The following DISP3 variants were observed in gnomAD, a reference collection of about 807,000 sequenced individuals.
The protein encoded by DISP3 is dispatched RND transporter family member 3, also known as protein dispatched homolog 3.
DISP3 carries 101 observed loss-of-function variants against 135.3 expected under a neutral mutation model. That is an observed-to-expected ratio of 0.75 (90% confidence interval 0.64 to 0.88). The LOEUF (loss-of-function observed/expected upper bound fraction) is 0.88. DISP3 is among the 40% of genes least tolerant of loss of function. DISP3 has a pLI of 0.00. For synonymous variants in DISP3, 856 were observed against 817.0 expected, an observed-to-expected ratio of 1.05 and a Z score of -0.81; for missense variants, 1,713 against 1,878.6, an observed-to-expected ratio of 0.91 and a Z score of 1.63.
chr1:11,519,084 G>T lies in DISP3; in HGVS notation c.1890-271G>T, dbSNP rs781403495. Among the ~76,000 whole-genome samples the T allele has an allele frequency of 1.3e-5, 2 of 152,106 alleles. No individual in the cohort carries two copies. The highest frequency in any genetic ancestry group is 2.4e-5 in the African/African-American group (1 of 41,410). ...CCCTGATTTGATCACCTTAGTGCCC[G>T]GGCCACTGTGTGTTGTCATCCCCTC... On this transcript the variant is annotated intron_variant, in intron 7 of 20. Coordinates refer to ENST00000294484, the MANE Select transcript of DISP3 (RefSeq NM_020780.2). The surrounding 1 kb of genome is among the most constrained non-coding windows in gnomAD (Gnocchi z 4.3).
rs1289654748 is a variant in DISP3 at position 11,479,351 on chromosome 1, T to C, written c.-25T>C. On this transcript the variant is annotated 5_prime_UTR_variant, in exon 1 of 21. Coordinates refer to ENST00000294484, the MANE Select transcript of DISP3 (RefSeq NM_020780.2). ...TCTCTCCCGCGCCGGCGGCTCAGCC[T>C]AGCCCCGTTCGGCCGGCCGAGGTGA... is the stretch of plus-strand genomic sequence containing the variant. 3 of 153,628 alleles carry C rather than the reference T, an allele frequency of 2.0e-5. No individual in the cohort carries two copies. The highest frequency in any genetic ancestry group is 4.4e-5 in the Non-Finnish European group (3 of 68,102). 9.5% of individuals were successfully genotyped at this position (153,628 alleles called of 1,614,324 possible).
intron 15 of DISP3, 104 bp from the exon 16 acceptor site, chr1:11,530,800 TAGC>T: frequency 6.9e-7 from 1 of 1,439,848 alleles, no homozygotes; most frequent in Non-Finnish European, 9.6e-7. Flanking sequence ...GGGTGACAGG[TAGC>T]AGGAAGCTGC....
chr1:11,531,330 G>A lies in DISP3; in HGVS notation c.3230-235G>A, dbSNP rs1035092403. Reference sequence around the variant, plus strand: ...TCCAAAATTAGGGGGCGGGGCCAGGGGCTGGCCCCACAGCCAATGTGGATG... The same window carrying A: ...TCCAAAATTAGGGGGCGGGGCCAGGAGCTGGCCCCACAGCCAATGTGGATG... On this transcript the variant is annotated intron_variant, in intron 16 of 20. Transcript: ENST00000294484. This position sits in a 1 kb window ranked among gnomAD's most constrained non-coding sequence, Gnocchi z 5.2. Among the ~76,000 whole-genome samples the A allele has an allele frequency of 3.8e-4, 58 of 152,114 alleles. No homozygotes were observed. The highest frequency in any genetic ancestry group is 1.3e-3 in the African/African-American group (55 of 41,416).
intron 1 of DISP3, among the ~76,000 whole-genome samples, chr1:11,493,723 C>CAA (rs573040513): frequency 1.6e-4 from 23 of 143,802 alleles, no homozygotes; most frequent in African/African-American, 4.1e-4. Context: ...GACTCCATCT[C>CAA]AAAAAAAAAA....
Position 11,520,711 on chromosome 1 carries a change from T to A in DISP3, c.2225T>A (p.Leu742Ter). 1 of 1,613,302 alleles carries A rather than the reference T, an allele frequency of 6.2e-7. No homozygotes were observed. Among genetic ancestry groups the A allele is most frequent in the Non-Finnish European group, 8.5e-7 (1 of 1,179,950 alleles). ...IVGLFVSILILSLVFASRLRP... is the reference protein window; with the variant it reads ...IVGLFVSILI ...GGGCTGTTCGTCTCCATCCTCATCT[T>A]GTCCCTGGTGTTCGCCAGCCGGCTC... Residue 742 changes from leucine to a stop codon, truncating the protein, a stop_gained, in exon 10 of 21, where the codon TTG becomes TAG. Coordinates refer to ENST00000294484, the MANE Select transcript of DISP3 (RefSeq NM_020780.2). LOFTEE classifies it high-confidence loss of function. This position sits in a 1 kb window ranked among gnomAD's most constrained non-coding sequence, Gnocchi z 4.8.
intron 1 of DISP3, among the ~76,000 whole-genome samples, chr1:11,498,087 A>C (rs1481306201): frequency 6.6e-6 from 1 of 152,238 alleles, no homozygotes; most frequent in African/African-American, 2.4e-5. Context: ...AATCCAGCAA[A>C]TGCTGTCTGC....
chr1:11,503,871 C>T (rs1180143722), intron 3 of DISP3, among the ~76,000 whole-genome samples: 1 of 152,178 alleles, frequency 6.6e-6, no homozygotes, highest in Non-Finnish European at 1.5e-5. Flanking sequence ...TCTGGCTGCC[C>T]TCTGGAGTCA....
In DISP3 at chr1:11,522,926, A is replaced by ACCCAGCCAGGACCCAGCTAGAG. The variant is rs1642284788; in HGVS notation, c.2363-999_2363-998insTAGAGCCCAGCCAGGACCCAGC. ...AGAGCCCAGCCAGGACCCAGCAAGG[A>ACCCAGCCAGGACCCAGCTAGAG]CCCAGCCAGGACCCAGCCAGAGCCC... On this transcript the variant is annotated intron_variant, in intron 10 of 20. Transcript: ENST00000294484. Among the ~76,000 whole-genome samples the ACCCAGCCAGGACCCAGCTAGAG allele has an allele frequency of 2.0e-4, 3 of 15,334 alleles. 1 individual carries two copies. The highest frequency in any genetic ancestry group is 2.7e-4 in the African/African-American group (1 of 3,684). 10.1% of individuals were successfully genotyped at this position (15,334 alleles called of 152,430 possible).
At position 11,516,700 on chromosome 1, in the gene DISP3, G is replaced by A. The variant is rs1206076545; in HGVS notation, c.1749+539G>A. On this transcript the variant is annotated intron_variant, in intron 6 of 20. Coordinates refer to ENST00000294484, the MANE Select transcript of DISP3 (RefSeq NM_020780.2). The surrounding 1 kb of genome is among the most constrained non-coding windows in gnomAD (Gnocchi z 5.1). ...GAGCCCAGGCTGGGTCCTTGGTACA[G>A]AAAGACAGTGAATTGGCCCAAGTCT... Among the ~76,000 whole-genome samples, 1 of 152,316 alleles carries A rather than the reference G, an allele frequency of 6.6e-6. No homozygotes were observed. Among genetic ancestry groups the A allele is most frequent in the Admixed American group, 6.5e-5 (1 of 15,302 alleles).
intron 3 of DISP3, among the ~76,000 whole-genome samples, chr1:11,513,924 A>C (rs138941066): frequency 1.3e-5 from 2 of 149,660 alleles, no homozygotes; most frequent in East Asian, 3.9e-4. Context: ...GTATTTTAAG[A>C]CACAGTTTGA....
chr1:11,523,943 T>G lies in DISP3; in HGVS notation c.2364T>G (p.Gly788=). Residue 788 remains glycine, a splice_region_variant and synonymous_variant, in exon 11 of 21, where the codon GGT becomes GGG. Coordinates refer to ENST00000294484, the MANE Select transcript of DISP3 (RefSeq NM_020780.2). ...CCTTGACATGGCGCTGGGGGGCAGG[T>G]CTGTTCCAGGAGAAGCCCCACAGCC... The part of the protein sequence containing the change: ...AEGISCITCS[G]LFQEKPHSLQ... 1.2e-6 allele frequency: 2 copies of G among 1,611,634 alleles called. No individual in the cohort carries two copies. Among genetic ancestry groups the G allele is most frequent in the Non-Finnish European group, 1.7e-6 (2 of 1,178,806 alleles).
intron 13 of DISP3, among the ~76,000 whole-genome samples, chr1:11,528,485 T>C (rs2100506642): frequency 6.6e-6 from 1 of 152,336 alleles, no homozygotes; most frequent in Non-Finnish European, 1.5e-5. Flanking sequence ...GCTAGGGATA[T>C]GGTAGTGACA....
Position 11,536,237 on chromosome 1 carries a change from C to A in DISP3, c.3817-87C>A. The A allele has an allele frequency of 6.7e-7, 1 of 1,491,384 alleles. No individual in the cohort carries two copies. The highest frequency in any genetic ancestry group is 8.9e-7 in the Non-Finnish European group (1 of 1,125,334). 92.4% of individuals were successfully genotyped at this position (1,491,384 alleles called of 1,614,324 possible). Reference sequence around the variant, plus strand: ...TCCCAGTAACAGAGCAGGAACCTGGCGTGGGGTGGGGGTGCGTGATTCCCC... The same window carrying A: ...TCCCAGTAACAGAGCAGGAACCTGGAGTGGGGTGGGGGTGCGTGATTCCCC... On this transcript the variant is annotated intron_variant, in intron 20 of 20. Transcript: ENST00000294484. The surrounding 1 kb of genome is among the most constrained non-coding windows in gnomAD (Gnocchi z 4.3).
rs547201674 is a variant in DISP3 at position 11,505,386 on chromosome 1, G to A, written c.1316+2489G>A. Among the ~76,000 whole-genome samples the A allele has an allele frequency of 3.9e-5, 6 of 152,302 alleles. No homozygotes were observed. In the South Asian group the frequency reaches 8.3e-4, roughly 21 times the overall value. On this transcript the variant is annotated intron_variant, in intron 3 of 20. Transcript: ENST00000294484. Reference sequence around the variant, plus strand: ...TCAAGGAAAGGTACTTGGCTGGGTTGGGAAACTGAGAGGTGATGACTATAG... The same window carrying A: ...TCAAGGAAAGGTACTTGGCTGGGTTAGGAAACTGAGAGGTGATGACTATAG...
chr1:11,528,516 C>T lies in DISP3; in HGVS notation c.2799-1040C>T, dbSNP rs138598745. ...TGACAAAGACAGATGTGACTCCTGC[C>T]CTCGAGCTGTCTAGTGGGAGACAGG... On this transcript the variant is annotated intron_variant, in intron 13 of 20. Transcript: ENST00000294484. 1.1e-4 allele frequency among the ~76,000 whole-genome samples: 16 copies of T among 152,344 alleles called. No homozygotes were observed. The East Asian group carries it at 3.1e-3, about 29-fold the overall frequency.
intron 10 of DISP3, among the ~76,000 whole-genome samples, chr1:11,522,314 C>T (rs1642219566): frequency 6.6e-6 from 1 of 152,124 alleles, no homozygotes; most frequent in African/African-American, 2.4e-5. Flanking sequence ...ACCTGGCCTT[C>T]CCCTTGGTAA....
intron 13 of DISP3, among the ~76,000 whole-genome samples, chr1:11,528,575 CTA>C (rs1642491189): frequency 6.6e-6 from 1 of 152,258 alleles, no homozygotes; most frequent in African/African-American, 2.4e-5. Flanking sequence ...TCATTACAAA[CTA>C]TGATACGTGC....
rs1300485576 is a variant in DISP3 at position 11,519,393 on chromosome 1, TC to T, written c.1932del (p.Gly645GlufsTer87). On this transcript the variant is annotated frameshift_variant, in exon 8 of 21. Coordinates refer to ENST00000294484, the MANE Select transcript of DISP3 (RefSeq NM_020780.2). LOFTEE classifies it high-confidence loss of function. The surrounding 1 kb of genome is among the most constrained non-coding windows in gnomAD (Gnocchi z 4.3). ...QNCSRKTSLH[F>X]PGDVFAAPEQ... Reference sequence around the variant, plus strand: ...TGCAGCCGGAAGACCTCCCTGCACTTCCCCGGAGACGTGTTTGCCGCTCCCG... The same window carrying T: ...TGCAGCCGGAAGACCTCCCTGCACTTCCCGGAGACGTGTTTGCCGCTCCCG... 2.5e-6 allele frequency: 4 copies of T among 1,613,614 alleles called. No homozygotes were observed. Among genetic ancestry groups the T allele is most frequent in the Non-Finnish European group, 3.4e-6 (4 of 1,179,938 alleles).
Position 11,501,417 on chromosome 1 carries a change from A to C in DISP3, c.425A>C (p.Asp142Ala). The C allele has an allele frequency of 6.3e-7, 1 of 1,594,854 alleles. No individual in the cohort carries two copies. The highest frequency in any genetic ancestry group is 8.5e-7 in the Non-Finnish European group (1 of 1,171,236). Reference protein sequence around the residue: ...SWGRNRRDLADFTSETLQRLI... With the variant: ...SWGRNRRDLAAFTSETLQRLI... ...GGGCGGAACCGGCGCGATTTGGCCG[A>C]CTTCACCTCCGAGACGCTTCAGCGC... Residue 142 changes from aspartate (D) to alanine (A), a missense_variant, in exon 2 of 21, where the codon GAC becomes GCC. Physicochemically the swap from Asp to Ala is moderately radical, Grantham distance 126. Transcript: ENST00000294484. The surrounding 1 kb of genome is among the most constrained non-coding windows in gnomAD (Gnocchi z 4.9).
Sources: allele counts gnomAD v4.1 joint callset (sites outside exome capture counted in the v4.1 genomes callset), GRCh38; gene constraint gnomAD v4.1.1; non-coding constraint Gnocchi (gnomAD v3.1); transcripts MANE v1.5; gene names NCBI Gene and HGNC (gene_info 2026-07-23, HGNC 2026-07-21).